EPHA4: variants seen among roughly 807,000 people sequenced by gnomAD.
EPHA4 encodes EPH receptor A4.
A neutral mutation model predicts 108.3 loss-of-function variants in EPHA4; 19 were observed. The ratio of observed to expected loss-of-function variants is 0.18; its 90% CI spans 0.12 to 0.26. EPHA4 has a LOEUF of 0.26. Among genes scored for constraint, EPHA4 ranks in the 10% least tolerant of loss-of-function variants. The pLI is 1.00. For missense variants in EPHA4, 917 were observed against 1,254.0 expected, an observed-to-expected ratio of 0.73 and a Z score of 4.06; for synonymous variants, 449 against 455.5, an observed-to-expected ratio of 0.99 and a Z score of 0.18.
intron 3 of EPHA4, among the ~76,000 whole-genome samples, chr2:221,557,425 C>T (rs190336132): frequency 6.6e-6 from 1 of 152,320 alleles, no homozygotes; most frequent in East Asian, 1.9e-4. Context: ...ACTTTCTAAG[C>T]ATTTTAATGA....
At chr2:221,563,376 A>T (rs186663765) in intron 3 of EPHA4, among the ~76,000 whole-genome samples, 2 of 152,360 alleles carry the variant, frequency 1.3e-5, no homozygotes, top group African/African-American at 4.8e-5. Context: ...GTCCATAGAC[A>T]GGAAAACTAT....
chr2:221,511,100 T>C (rs1692813495), intron 3 of EPHA4, among the ~76,000 whole-genome samples: 1 of 152,232 alleles, frequency 6.6e-6, no homozygotes, highest in Admixed American at 6.5e-5. Context: ...GATAGGCTTC[T>C]GTATTTTTGG....
intron 5 of EPHA4, among the ~76,000 whole-genome samples, chr2:221,475,786 T>A (rs540720755): frequency 6.6e-6 from 1 of 152,378 alleles, no homozygotes; most frequent in South Asian, 2.1e-4. Flanking sequence ...CTGTTTTTTA[T>A]TATGTTGAAC....
At chr2:221,547,558 G>A (rs1694034067) in intron 3 of EPHA4, among the ~76,000 whole-genome samples, 1 of 152,168 alleles carries the variant, frequency 6.6e-6, no homozygotes, top group African/African-American at 2.4e-5. Context: ...GCTGCATTTT[G>A]CTCTTTGTAA....
chr2:221,435,185 T>G (rs1004302002), intron 13 of EPHA4, among the ~76,000 whole-genome samples: 2 of 152,150 alleles, frequency 1.3e-5, no homozygotes, highest in African/African-American at 4.8e-5. Flanking sequence ...TTTGATACAT[T>G]GCAGTAAACT....
At chr2:221,442,115 T>C (rs192157432) in intron 11 of EPHA4, among the ~76,000 whole-genome samples, 95 of 152,298 alleles carry the variant, frequency 6.2e-4, no homozygotes, top group African/African-American at 2.2e-3. Flanking sequence ...GTAACTGTAG[T>C]GTGTATGAGG....
intron 16 of EPHA4, 44 bp downstream of exon 16, chr2:221,426,420 T>G: frequency 6.4e-7 from 1 of 1,556,870 alleles, no homozygotes; most frequent in Non-Finnish European, 8.6e-7. Flanking sequence ...AAAATACTAT[T>G]AAATCTAGAT....
At position 221,553,593 on chromosome 2, in the gene EPHA4, G is replaced by A. The variant is rs75039336; in HGVS notation, c.823+10138C>T. Among the ~76,000 whole-genome samples the A allele has an allele frequency of 5.2e-3, 795 of 152,326 alleles. 8 individuals are homozygous for A. Among genetic ancestry groups the A allele is most frequent in the African/African-American group, 0.018 (736 of 41,576 alleles). ...GCCAAATGTCAAACAGCAGGGAAGC[G>A]ATTGTTACAGAAACATTTGGCTTGG... On this transcript the variant is annotated intron_variant, in intron 3 of 17. Coordinates refer to ENST00000281821, the MANE Select transcript of EPHA4 (RefSeq NM_004438.5).
intron 17 of EPHA4, among the ~76,000 whole-genome samples, chr2:221,424,907 G>A (rs1185427978): frequency 6.6e-6 from 1 of 152,176 alleles, no homozygotes; most frequent in African/African-American, 2.4e-5. Flanking sequence ...CAAAGGACAG[G>A]AGGAGCCCTT....
chr2:221,560,246 T>C (rs1303477730), intron 3 of EPHA4, among the ~76,000 whole-genome samples: 1 of 152,198 alleles, frequency 6.6e-6, no homozygotes, highest in Non-Finnish European at 1.5e-5. Flanking sequence ...CTATTTGTCC[T>C]GCCACAGTAG....
At chr2:221,453,302 T>A (rs1359886901) in intron 8 of EPHA4, among the ~76,000 whole-genome samples, 1 of 152,222 alleles carries the variant, frequency 6.6e-6, no homozygotes, top group Non-Finnish European at 1.5e-5. Flanking sequence ...ACAACCAAGA[T>A]TATTTCTGTA....
chr2:221,498,690 T>G (rs1429244476), intron 4 of EPHA4, among the ~76,000 whole-genome samples: 1 of 151,038 alleles, frequency 6.6e-6, no homozygotes, highest in African/African-American at 2.4e-5. Context: ...TGCAGCTCAC[T>G]GCAGCCTTGA....
At chr2:221,438,651 A>G (rs907805460) in intron 11 of EPHA4, among the ~76,000 whole-genome samples, 2 of 151,936 alleles carry the variant, frequency 1.3e-5, no homozygotes, top group Non-Finnish European at 2.9e-5. Flanking sequence ...TGCCGGGTGC[A>G]GTACGCACTT....
intron 13 of EPHA4, among the ~76,000 whole-genome samples, chr2:221,435,106 A>T (rs890542791): frequency 1.3e-5 from 2 of 152,116 alleles, no homozygotes; most frequent in Non-Finnish European, 1.5e-5. Context: ...CAGGGCTATC[A>T]TTTAAAAGGT....
At chr2:221,567,820 AC>A (rs1694719168) in intron 2 of EPHA4, among the ~76,000 whole-genome samples, 2 of 151,820 alleles carry the variant, frequency 1.3e-5, no homozygotes, top group African/African-American at 4.8e-5. Flanking sequence ...CTAATCTTTC[AC>A]CCCCATTGTT....
At chr2:221,519,017 T>G (rs1693076699) in intron 3 of EPHA4, among the ~76,000 whole-genome samples, 1 of 151,576 alleles carries the variant, frequency 6.6e-6, no homozygotes, top group Admixed American at 6.6e-5. Context: ...GTTGGAGGGG[T>G]GGGGCTGGTG....
chr2:221,510,555 T>C (rs980822963), intron 3 of EPHA4, among the ~76,000 whole-genome samples: 2 of 152,240 alleles, frequency 1.3e-5, no homozygotes, highest in African/African-American at 4.8e-5. Flanking sequence ...AAAATGGATT[T>C]GCTCTTTCAA....
chr2:221,426,708 A>G (rs1689924241), intron 15 of EPHA4, 89 bp from the exon 16 acceptor site: 2 of 1,174,138 alleles, frequency 1.7e-6, no homozygotes, highest in South Asian at 2.8e-5. Context: ...ATAGGCAAGG[A>G]GAACTGAAAA....
At chr2:221,528,398 A>G (rs1693408138) in intron 3 of EPHA4, among the ~76,000 whole-genome samples, 2 of 152,130 alleles carry the variant, frequency 1.3e-5, no homozygotes, top group African/African-American at 2.4e-5. Context: ...AATAACAACA[A>G]AATTCGAGCA....
Sources: gnomAD v4.1 joint callset for allele counts (sites outside exome capture counted in the v4.1 genomes callset) on GRCh38, gnomAD v4.1.1 for gene constraint, MANE v1.5 for transcripts, NCBI Gene and HGNC (gene_info 2026-07-23, HGNC 2026-07-21) for gene names.